The following LMX1B variants were observed in gnomAD, a reference collection of about 807,000 sequenced individuals.
The protein encoded by LMX1B is LIM homeobox transcription factor 1-beta.
LMX1B carries 12 observed loss-of-function variants against 51.4 expected under a neutral mutation model. The ratio of observed to expected loss-of-function variants is 0.23; its 90% CI spans 0.15 to 0.38. The LOEUF (loss-of-function observed/expected upper bound fraction) is 0.38. Ranked by LOEUF, LMX1B falls within the 10% of genes least tolerant of loss-of-function variation. The pLI is 1.00. For missense variants in LMX1B, 445 were observed against 571.1 expected, an observed-to-expected ratio of 0.78 and a Z score of 2.25; for synonymous variants, 237 against 235.4, an observed-to-expected ratio of 1.01 and a Z score of -0.06.
chr9:126,616,816 TAG>T (rs546059838), intron 2 of LMX1B, among the ~76,000 whole-genome samples: 26 of 152,212 alleles, frequency 1.7e-4, no homozygotes, highest in South Asian at 2.1e-4. Flanking sequence ...GCCAGAGCCC[TAG>T]AGAGGGCATC....
intron 2 of LMX1B, among the ~76,000 whole-genome samples, chr9:126,670,792 C>A (rs1390580160): frequency 3.3e-5 from 5 of 152,190 alleles, no homozygotes; most frequent in African/African-American, 1.2e-4. Context: ...CCTCAAATAA[C>A]GTTTCCATGT....
chr9:126,617,119 G>A (rs1480693183), intron 2 of LMX1B, among the ~76,000 whole-genome samples: 1 of 152,238 alleles, frequency 6.6e-6, no homozygotes, highest in Non-Finnish European at 1.5e-5. Context: ...CACAGCCCAA[G>A]CATAGAGCAG....
Position 126,658,845 on chromosome 9 carries a change from T to C in LMX1B, c.327-31991T>C, listed in dbSNP as rs966872064. 5.3e-5 allele frequency among the ~76,000 whole-genome samples: 8 copies of C among 152,224 alleles called. No individual in the cohort carries two copies. Among genetic ancestry groups the C allele is most frequent in the African/African-American group, 1.9e-4 (8 of 41,454 alleles). On this transcript the variant is annotated intron_variant, in intron 2 of 7. Transcript: ENST00000373474. The surrounding 1 kb of genome is among the most constrained non-coding windows in gnomAD (Gnocchi z 4.0). ...CAAATTCAGAAAGCCCCCTTGCCTG[T>C]ATCAGGCCTGGTTTGCTGTGGAGAG... is the stretch of plus-strand genomic sequence containing the variant.
chr9:126,659,127 C>T (rs1391673546), intron 2 of LMX1B, among the ~76,000 whole-genome samples: 1 of 152,226 alleles, frequency 6.6e-6, no homozygotes, highest in East Asian at 1.9e-4. Context: ...GAGCCAGGGC[C>T]TTTTGTCTAG....
At chr9:126,692,572 T>A (rs1297156845) in intron 3 of LMX1B, among the ~76,000 whole-genome samples, 1 of 152,202 alleles carries the variant, frequency 6.6e-6, no homozygotes, top group Admixed American at 6.5e-5. Flanking sequence ...CGCCTGTGAG[T>A]TGCACGCGTG....
intron 3 of LMX1B, 96 bp from the exon 4 acceptor site, chr9:126,693,046 C>T: frequency 2.3e-6 from 3 of 1,301,736 alleles, no homozygotes; most frequent in South Asian, 1.4e-5. Context: ...ACAGAGGGGA[C>T]AGGCTCCCAT....
rs2030498000 is a variant in LMX1B, at chr9:126,700,339, AG to A, written c.*3891del. The A allele has an allele frequency of 6.6e-6, 1 of 152,354 alleles. No homozygotes were observed. Among genetic ancestry groups the A allele is most frequent in the South Asian group, 2.1e-4 (1 of 4,826 alleles). 9.4% of individuals were successfully genotyped at this position (152,354 alleles called of 1,614,324 possible). On this transcript the variant is annotated 3_prime_UTR_variant, in exon 8 of 8. Transcript: ENST00000373474. ...CTGCATCAGATGAGCAGGGCCTGGC[AG>A]GGACAAGCCTCTTCTCCTTTGGGAA...
Position 126,695,086 on chromosome 9 carries a change from G to A in LMX1B, c.887-753G>A, listed in dbSNP as rs1412795691. On this transcript the variant is annotated intron_variant, in intron 6 of 7. Coordinates refer to ENST00000373474, the MANE Select transcript of LMX1B (RefSeq NM_001174147.2). This position sits in a 1 kb window ranked among gnomAD's most constrained non-coding sequence, Gnocchi z 5.2. ...AAGTTGGGGAGTGAAGTCTTCTCATGTCTCTCGCACCCTCCTAGGAGCTGT... is the reference window on the plus strand; with the variant it reads ...AAGTTGGGGAGTGAAGTCTTCTCATATCTCTCGCACCCTCCTAGGAGCTGT... Among the ~76,000 whole-genome samples the A allele has an allele frequency of 6.6e-6, 1 of 152,100 alleles. No homozygotes were observed. Among genetic ancestry groups the A allele is most frequent in the East Asian group, 1.9e-4 (1 of 5,182 alleles).
intron 2 of LMX1B, among the ~76,000 whole-genome samples, chr9:126,683,268 C>T (rs1275185522): frequency 6.6e-6 from 1 of 151,312 alleles, no homozygotes; most frequent in Non-Finnish European, 1.5e-5. Flanking sequence ...GATTGACGCG[C>T]GTACCGGGGC....
chr9:126,675,378 G>A (rs188270696), intron 2 of LMX1B, among the ~76,000 whole-genome samples: 1 of 152,304 alleles, frequency 6.6e-6, no homozygotes, highest in Non-Finnish European at 1.5e-5. Context: ...GAACATTTCA[G>A]TATTAAATTA....
intron 2 of LMX1B, among the ~76,000 whole-genome samples, chr9:126,644,995 A>C (rs1157474980): frequency 6.6e-6 from 1 of 152,060 alleles, no homozygotes; most frequent in East Asian, 1.9e-4. Context: ...GCCGTGATAG[A>C]GCCCCCACCC....
At chr9:126,627,073 G>A (rs1835548071) in intron 2 of LMX1B, among the ~76,000 whole-genome samples, 1 of 152,198 alleles carries the variant, frequency 6.6e-6, no homozygotes, top group South Asian at 2.1e-4. Flanking sequence ...CTCGGAGACT[G>A]GTGTCAGAGG....
rs778251500 is a variant in LMX1B, at chr9:126,614,509, C to T, written c.60C>T (p.Asp20=). The change falls in exon 1 of 8, where the codon GAC becomes GAT. Residue 20 remains aspartate, a synonymous_variant. Transcript: ENST00000373474. ...GGTGCTTCCCTCGCGGGCAGACGGA[C>T]TGCGCCAAGATGTTGGACGGCATCA... ...LERCFPRGQT[D]CAKMLDGIKM... The T allele has an allele frequency of 1.5e-5, 24 of 1,607,200 alleles. No individual in the cohort carries two copies. The highest frequency in any genetic ancestry group is 2.0e-5 in the Non-Finnish European group (23 of 1,177,718).
intron 2 of LMX1B, among the ~76,000 whole-genome samples, chr9:126,652,674 G>C (rs2118905043): frequency 6.6e-6 from 1 of 152,332 alleles, no homozygotes; most frequent in South Asian, 2.1e-4. Flanking sequence ...AAGGGACTCA[G>C]ATCTGGGCCT....
At chr9:126,682,827 G>A (rs1356421163) in intron 2 of LMX1B, among the ~76,000 whole-genome samples, 3 of 150,476 alleles carry the variant, frequency 2.0e-5, no homozygotes, top group African/African-American at 7.3e-5. Flanking sequence ...CCCAGGAGGC[G>A]GAGGTTGCAA....
chr9:126,682,082 T>C (rs10987408), intron 2 of LMX1B, among the ~76,000 whole-genome samples: 18,945 of 105,894 alleles, frequency 0.18, 2,657 homozygotes, highest in East Asian at 0.32. Flanking sequence ...GTCCCCAGGG[T>C]CTTTTTTTTT....
At chr9:126,617,029 C>A (rs1835315966) in intron 2 of LMX1B, among the ~76,000 whole-genome samples, 1 of 152,252 alleles carries the variant, frequency 6.6e-6, no homozygotes, top group African/African-American at 2.4e-5. Context: ...TTTAGGCACA[C>A]TGCCGTAGGT....
chr9:126,691,161 C>A, intron 3 of LMX1B, 93 bp downstream of exon 3: 1 of 874,748 alleles, frequency 1.1e-6, no homozygotes, highest in South Asian at 1.5e-5. Context: ...CCACCTCCTG[C>A]TTCCAGGACC....
intron 2 of LMX1B, among the ~76,000 whole-genome samples, chr9:126,647,185 C>T (rs1400865249): frequency 6.6e-6 from 1 of 151,884 alleles, no homozygotes; most frequent in African/African-American, 2.4e-5. Context: ...TGCACTCCAG[C>T]CTGAGCAACA....
Sources: gnomAD v4.1 joint callset for allele counts (sites outside exome capture counted in the v4.1 genomes callset) on GRCh38, gnomAD v4.1.1 for gene constraint, Gnocchi (gnomAD v3.1) non-coding constraint, MANE v1.5 for transcripts, NCBI Gene and HGNC (gene_info 2026-07-23, HGNC 2026-07-21) for gene names.